MACROD2: variants seen among roughly 807,000 people sequenced by gnomAD.
MACROD2 encodes the protein ADP-ribose glycohydrolase MACROD2.
A neutral mutation model predicts 70.4 loss-of-function variants in MACROD2; 36 were observed. The ratio of observed to expected loss-of-function variants is 0.51; its 90% confidence interval spans 0.39 to 0.68. The LOEUF (loss-of-function observed/expected upper bound fraction) is 0.68, where lower values mean the gene tolerates loss of function less well. Among genes scored for constraint, MACROD2 ranks in the 30% least tolerant of loss-of-function variants. The pLI is 0.00. For missense variants in MACROD2, 496 were observed against 538.4 expected (o/e 0.92, Z 0.78); for synonymous variants, 172 against 178.8 (o/e 0.96, Z 0.30).
chr20:14,533,070 C>G (rs1282575710), intron 4 of MACROD2, among the ~76,000 whole-genome samples: 2 of 152,042 alleles, frequency 1.3e-5, no homozygotes, highest in East Asian at 3.9e-4. Flanking sequence ...AACTGAATGA[C>G]CAGTTTTCCA....
chr20:15,886,733 T>C (rs926713070), intron 10 of MACROD2, among the ~76,000 whole-genome samples: 1 of 152,132 alleles, frequency 6.6e-6, no homozygotes, highest in South Asian at 2.1e-4. Flanking sequence ...CTGAATTCAC[T>C]TGTAGCTCTA....
At chr20:14,335,255 TC>T (rs1359632047) in intron 3 of MACROD2, among the ~76,000 whole-genome samples, 1 of 152,174 alleles carries the variant, frequency 6.6e-6, no homozygotes, top group East Asian at 1.9e-4. Flanking sequence ...GGGTCTTGTG[TC>T]CCTAGGCAGG....
chr20:15,179,305 A>G (rs1447676328), intron 5 of MACROD2, among the ~76,000 whole-genome samples: 2 of 152,152 alleles, frequency 1.3e-5, no homozygotes, highest in East Asian at 3.9e-4. Context: ...GATATAAACA[A>G]TTCTACCTGT....
intron 8 of MACROD2, among the ~76,000 whole-genome samples, chr20:15,697,471 A>C (rs1249827095): frequency 1.3e-5 from 2 of 152,158 alleles, no homozygotes; most frequent in Admixed American, 1.3e-4. Flanking sequence ...TTTATGTCCT[A>C]TCTAATGGTC....
chr20:15,205,387 A>AT (rs73615569), intron 5 of MACROD2, among the ~76,000 whole-genome samples: 14,314 of 148,136 alleles, frequency 0.097, 836 homozygotes, highest in Non-Finnish European at 0.14. Flanking sequence ...AGGGGCTTCT[A>AT]TTTTTTTTTT....
chr20:15,908,111 G>T (rs2065175305), intron 10 of MACROD2, among the ~76,000 whole-genome samples: 1 of 151,440 alleles, frequency 6.6e-6, no homozygotes. Flanking sequence ...ATAGCTAAGA[G>T]TTTTTTGCTG....
At chr20:14,064,475 C>T (rs781178291) in intron 2 of MACROD2, among the ~76,000 whole-genome samples, 7 of 152,162 alleles carry the variant, frequency 4.6e-5, no homozygotes, top group Non-Finnish European at 1.0e-4. Context: ...AGCTGGCTCT[C>T]GCACCTGCAT....
chr20:14,936,698 AC>A (rs1251251446), intron 5 of MACROD2, among the ~76,000 whole-genome samples: 1 of 152,110 alleles, frequency 6.6e-6, no homozygotes, highest in African/African-American at 2.4e-5. Context: ...GGGCCCAGAA[AC>A]TTCAGGCTAA....
intron 12 of MACROD2, among the ~76,000 whole-genome samples, chr20:15,954,796 A>C (rs1418863470): frequency 2.0e-5 from 3 of 152,232 alleles, no homozygotes; most frequent in African/African-American, 7.2e-5. Flanking sequence ...TAATATCAGC[A>C]GCTAATATTT....
chr20:14,064,769 A>G (rs1179474298), intron 2 of MACROD2, among the ~76,000 whole-genome samples: 1 of 152,156 alleles, frequency 6.6e-6, no homozygotes, highest in Non-Finnish European at 1.5e-5. Context: ...CAGCAGCTGT[A>G]GTTTTAAATT....
intron 8 of MACROD2, among the ~76,000 whole-genome samples, chr20:15,830,032 G>A (rs547452176): frequency 4.6e-5 from 7 of 152,274 alleles, no homozygotes; most frequent in South Asian, 2.1e-4. Flanking sequence ...TGAACAGAAC[G>A]GAGGACGGGT....
At chr20:15,584,744 C>T (rs186837485) in intron 8 of MACROD2, among the ~76,000 whole-genome samples, 1 of 152,326 alleles carries the variant, frequency 6.6e-6, no homozygotes, top group East Asian at 1.9e-4. Flanking sequence ...TGGGCCACAG[C>T]AGCTTCCCAG....
chr20:14,165,051 T>C (rs946395212), intron 3 of MACROD2, among the ~76,000 whole-genome samples: 10 of 152,122 alleles, frequency 6.6e-5, no homozygotes, highest in Non-Finnish European at 1.5e-4. Flanking sequence ...CGAATGTAAA[T>C]GGCACTCCAG....
intron 4 of MACROD2, among the ~76,000 whole-genome samples, chr20:14,596,365 C>G (rs1982142504): frequency 6.6e-6 from 1 of 150,540 alleles, no homozygotes; most frequent in Non-Finnish European, 1.5e-5. Context: ...GCTGGGATTA[C>G]AGGCGTGAGC....
At chr20:15,401,330 A>G (rs538486843) in intron 6 of MACROD2, among the ~76,000 whole-genome samples, 126 of 151,628 alleles carry the variant, frequency 8.3e-4, no homozygotes, top group Non-Finnish European at 1.4e-3. Context: ...GAGCCACCAC[A>G]CCCAGCCAGC....
At chr20:15,428,190 C>T (rs1016437602) in intron 6 of MACROD2, among the ~76,000 whole-genome samples, 1 of 152,196 alleles carries the variant, frequency 6.6e-6, no homozygotes, top group African/African-American at 2.4e-5. Flanking sequence ...AGGCAGGCCT[C>T]AGAGTTTCCA....
chr20:14,057,076 T>A (rs1233887086), intron 2 of MACROD2, among the ~76,000 whole-genome samples: 1 of 152,140 alleles, frequency 6.6e-6, no homozygotes, highest in Non-Finnish European at 1.5e-5. Context: ...ACAATGAAAC[T>A]TGATCCCTGC....
chr20:15,405,995 CA>C (rs1250838981), intron 6 of MACROD2, among the ~76,000 whole-genome samples: 1 of 152,186 alleles, frequency 6.6e-6, no homozygotes, highest in African/African-American at 2.4e-5. Flanking sequence ...ACATGATGAT[CA>C]GCTGAGTGAG....
intron 3 of MACROD2, among the ~76,000 whole-genome samples, chr20:14,210,627 G>A (rs896008598): frequency 6.6e-5 from 10 of 152,192 alleles, no homozygotes; most frequent in Admixed American, 3.3e-4. Flanking sequence ...ATGTTGCAAA[G>A]TTGGTAATCT....
Sources: gnomAD v4.1 joint callset for allele counts (sites outside exome capture counted in the v4.1 genomes callset) on GRCh38, gnomAD v4.1.1 for gene constraint, MANE v1.5 for transcripts, NCBI Gene and HGNC (gene_info 2026-07-23, HGNC 2026-07-21) for gene names.